RNF217: variants seen among roughly 807,000 people sequenced by gnomAD.
The protein encoded by RNF217 is ring finger protein 217.
A neutral mutation model predicts 57.8 loss-of-function variants in RNF217; 31 were observed. That is an observed-to-expected ratio of 0.54 (90% CI 0.40 to 0.72). RNF217 has a LOEUF of 0.72. Ranked by LOEUF, RNF217 falls within the 30% of genes least tolerant of loss-of-function variation. RNF217 has a pLI of 0.00. For missense variants in RNF217, 696 were observed against 708.3 expected (o/e 0.98, Z 0.20); for synonymous variants, 313 against 294.0 (o/e 1.06, Z -0.66).
At chr6:125,036,892 T>C (rs1006904815) in intron 1 of RNF217, among the ~76,000 whole-genome samples, 2 of 148,262 alleles carry the variant, frequency 1.3e-5, no homozygotes, top group African/African-American at 4.9e-5. Flanking sequence ...TTTATTATAT[T>C]TATTATATAT....
At chr6:125,053,099 A>T (rs1333012015) in intron 2 of RNF217, among the ~76,000 whole-genome samples, 1 of 151,976 alleles carries the variant, frequency 6.6e-6, no homozygotes, top group Non-Finnish European at 1.5e-5. Context: ...TTACCTCATC[A>T]CTTGTCCCTG....
chr6:125,050,735 A>G (rs926623155), intron 2 of RNF217, among the ~76,000 whole-genome samples: 3 of 151,362 alleles, frequency 2.0e-5, no homozygotes, highest in Non-Finnish European at 2.9e-5. Context: ...CCATCACTTT[A>G]AGTTGACAGT....
intron 1 of RNF217, among the ~76,000 whole-genome samples, chr6:124,971,081 C>T (rs956016609): frequency 3.3e-5 from 5 of 151,994 alleles, no homozygotes; most frequent in East Asian, 1.9e-4. Context: ...TGAGGGAACT[C>T]GAGGTTAGAG....
At chr6:125,042,687 C>T (rs1786930887) in intron 1 of RNF217, among the ~76,000 whole-genome samples, 1 of 151,938 alleles carries the variant, frequency 6.6e-6, no homozygotes, top group Non-Finnish European at 1.5e-5. Flanking sequence ...TAACAAATAC[C>T]CACTGCTGAA....
intron 3 of RNF217, among the ~76,000 whole-genome samples, chr6:125,068,963 G>A (rs77687766): frequency 0.041 from 6,203 of 152,140 alleles, 383 homozygotes; most frequent in African/African-American, 0.14. Flanking sequence ...GAAGCTGAAG[G>A]AGGGGAAAAC....
chr6:125,074,935 T>C (rs748789029), intron 3 of RNF217, among the ~76,000 whole-genome samples: 30 of 152,144 alleles, frequency 2.0e-4, no homozygotes, highest in Admixed American at 6.6e-4. Flanking sequence ...ACACAATGAA[T>C]AGAAGCCTCC....
At chr6:124,983,431 A>G (rs1422947670) in intron 1 of RNF217, 1 of 984,766 alleles carries the variant, frequency 1.0e-6, no homozygotes, top group East Asian at 1.1e-4. Flanking sequence ...GGTCAGGACA[A>G]ATGTGAATTT....
chr6:125,047,086 A>C (rs971257375), intron 2 of RNF217, among the ~76,000 whole-genome samples: 3 of 152,076 alleles, frequency 2.0e-5, no homozygotes, highest in Admixed American at 6.6e-5. Context: ...TTATTGTATA[A>C]GATCAGGAAA....
chr6:125,026,538 G>A (rs534171626), intron 1 of RNF217, among the ~76,000 whole-genome samples: 1 of 152,188 alleles, frequency 6.6e-6, no homozygotes, highest in Non-Finnish European at 1.5e-5. Flanking sequence ...AGCATTGAGA[G>A]CGTAAACGTG....
chr6:125,025,776 G>A (rs1184902489), intron 1 of RNF217, among the ~76,000 whole-genome samples: 1 of 149,536 alleles, frequency 6.7e-6, no homozygotes, highest in Admixed American at 6.6e-5. Flanking sequence ...AGGGAGGGAG[G>A]GAAGGAAGGA....
At chr6:125,082,448 G>A in intron 5 of RNF217, 1 of 1,607,702 alleles carries the variant, frequency 6.2e-7, no homozygotes, top group Non-Finnish European at 8.5e-7. Context: ...GTATTATACA[G>A]TTGAGGAAAT....
intron 3 of RNF217, among the ~76,000 whole-genome samples, chr6:125,063,977 C>A (rs892543893): frequency 6.6e-6 from 1 of 152,132 alleles, no homozygotes; most frequent in African/African-American, 2.4e-5. Context: ...AATGAATAAT[C>A]TTCCCCTGTT....
At chr6:125,021,731 G>C (rs796429789) in intron 1 of RNF217, among the ~76,000 whole-genome samples, 3 of 152,088 alleles carry the variant, frequency 2.0e-5, no homozygotes, top group African/African-American at 7.2e-5. Context: ...TGTTTTCCCA[G>C]TTTCCTTTAT....
chr6:125,010,451 G>A (rs1785374844), intron 1 of RNF217, among the ~76,000 whole-genome samples: 1 of 152,036 alleles, frequency 6.6e-6, no homozygotes, highest in African/African-American at 2.4e-5. Context: ...TTCTAAACAA[G>A]CAATTCATGA....
chr6:124,989,953 GCTTT>G (rs1053161372), intron 1 of RNF217, among the ~76,000 whole-genome samples: 2 of 149,860 alleles, frequency 1.3e-5, no homozygotes, highest in African/African-American at 4.9e-5. Context: ...CCTCTTGTGT[GCTTT>G]CTTTATAATG....
intron 1 of RNF217, among the ~76,000 whole-genome samples, chr6:124,972,263 A>G (rs1187721798): frequency 1.3e-5 from 2 of 152,084 alleles, no homozygotes; most frequent in Admixed American, 1.3e-4. Context: ...TCTTTAAAAT[A>G]TATCTGTATT....
chr6:124,963,435 A>T lies in RNF217; in HGVS notation c.882+9A>T. ...TCTACCTGAGCGCCCAGGTAACTTC[A>T]CCCCCTTCTCTTCCCCATTTATCAT... is the stretch of plus-strand genomic sequence containing the variant. On this transcript the variant is annotated intron_variant, in intron 1 of 5. Coordinates refer to ENST00000521654, the MANE Select transcript of RNF217 (RefSeq NM_001286398.3). 1 of 1,448,282 alleles carries T rather than the reference A, an allele frequency of 6.9e-7. No individual in the cohort carries two copies. Among genetic ancestry groups the T allele is most frequent in the Non-Finnish European group, 9.1e-7 (1 of 1,104,424 alleles). 89.7% of individuals were successfully genotyped at this position (1,448,282 alleles called of 1,614,324 possible). A position where few individuals can be genotyped will look rare whatever the true frequency, so the allele number is the denominator to read the frequency against.
At chr6:125,077,534 T>C (rs1187641609) in intron 4 of RNF217, among the ~76,000 whole-genome samples, 2 of 152,102 alleles carry the variant, frequency 1.3e-5, no homozygotes, top group Non-Finnish European at 2.9e-5. Context: ...GGTACACAAG[T>C]ATGCAAATAG....
At chr6:125,010,198 A>G (rs987657239) in intron 1 of RNF217, among the ~76,000 whole-genome samples, 3 of 152,132 alleles carry the variant, frequency 2.0e-5, no homozygotes, top group Non-Finnish European at 2.9e-5. Flanking sequence ...GAATGAAGAT[A>G]GTGTTGTTAA....
Sources: gnomAD v4.1 joint callset for allele counts (sites outside exome capture counted in the v4.1 genomes callset) on GRCh38, gnomAD v4.1.1 for gene constraint, MANE v1.5 for transcripts, NCBI Gene and HGNC (gene_info 2026-07-23, HGNC 2026-07-21) for gene names.